Variants in MYO3B observed in about 807,000 individuals in gnomAD.
The protein encoded by MYO3B is myosin-IIIb.
Under a neutral mutation model 174.6 loss-of-function variants are expected in MYO3B, and 156 were observed. The ratio of observed to expected loss-of-function variants is 0.89; its 90% CI spans 0.78 to 1.02. The LOEUF (loss-of-function observed/expected upper bound fraction) is 1.02, where lower values mean the gene tolerates loss of function less well. Ranked by LOEUF, MYO3B falls within the 50% of genes least tolerant of loss-of-function variation. The pLI is 0.00. For synonymous variants in MYO3B, 563 were observed against 569.1 expected (o/e 0.99, Z 0.15); for missense variants, 1,632 against 1,639.4 (o/e 1.00, Z 0.08).
At chr2:170,405,677 G>GT in intron 21 of MYO3B, 44 bp downstream of exon 21, 1 of 1,502,676 alleles carries the variant, frequency 6.7e-7, no homozygotes, top group Non-Finnish European at 9.3e-7. Context: ...TTGGCAAAGG[G>GT]TAAGTGTCTG....
chr2:170,244,609 G>A (rs936090191), intron 7 of MYO3B, among the ~76,000 whole-genome samples: 3 of 152,294 alleles, frequency 2.0e-5, no homozygotes, highest in Admixed American at 1.3e-4. Context: ...TCAAATAAGG[G>A]AAGAGGGCAG....
At chr2:170,424,974 A>G (rs892329261) in intron 22 of MYO3B, among the ~76,000 whole-genome samples, 20 of 152,228 alleles carry the variant, frequency 1.3e-4, no homozygotes, top group African/African-American at 4.6e-4. Context: ...TACTTTTTCC[A>G]TATTTATTTC....
At chr2:170,303,832 A>G (rs1005265265) in intron 7 of MYO3B, among the ~76,000 whole-genome samples, 4 of 152,010 alleles carry the variant, frequency 2.6e-5, no homozygotes, top group South Asian at 2.1e-4. Flanking sequence ...TTAATATGCA[A>G]TTACTCATTT....
intron 7 of MYO3B, among the ~76,000 whole-genome samples, chr2:170,265,425 T>C (rs996347038): frequency 3.9e-5 from 6 of 152,258 alleles, no homozygotes; most frequent in Admixed American, 2.6e-4. Context: ...AATTATAGCA[T>C]GGCTGGGGCC....
rs543959336 is a variant in MYO3B at position 170,524,040 on chromosome 2, C to G, written c.3575+4500C>G. Among the ~76,000 whole-genome samples the G allele has an allele frequency of 5.3e-5, 8 of 152,228 alleles. 1 individual carries two copies. The highest frequency in any genetic ancestry group is 5.2e-4 in the Admixed American group (8 of 15,294). ...GGAAAAGATGAAGGGAAGGCAAAAT[C>G]AGAGGGAAGAGTTCATAAGGACGAT... is the stretch of plus-strand genomic sequence containing the variant. On this transcript the variant is annotated intron_variant, in intron 30 of 34. Transcript: ENST00000408978.
intron 32 of MYO3B, among the ~76,000 whole-genome samples, chr2:170,577,176 T>C (rs915702025): frequency 2.0e-5 from 3 of 152,196 alleles, no homozygotes; most frequent in Non-Finnish European, 4.4e-5. Flanking sequence ...GAACTCAAAG[T>C]TGTGAGGAGA....
intron 7 of MYO3B, among the ~76,000 whole-genome samples, chr2:170,253,787 A>G (rs1201504673): frequency 6.6e-6 from 1 of 151,864 alleles, no homozygotes; most frequent in East Asian, 2.0e-4. Flanking sequence ...GATCAACTGT[A>G]TCAAATGCTC....
Position 170,404,285 on chromosome 2 carries a change from G to A in MYO3B, c.2316G>A (p.Val772=). The part of the protein sequence containing the change: ...YQNEGIDAVP[V]EYEDNRPLLD... ...ATGAAGGCATTGATGCTGTACCCGT[G>A]GAATATGAGGACAACCGCCCGCTCT... The change falls in exon 20 of 35, where the codon GTG becomes GTA. Residue 772 remains valine, a synonymous_variant. Transcript: ENST00000408978. The A allele has an allele frequency of 6.2e-7, 1 of 1,613,044 alleles. No homozygotes were observed. Among genetic ancestry groups the A allele is most frequent in the Non-Finnish European group, 8.5e-7 (1 of 1,179,466 alleles).
At chr2:170,387,038 G>A in intron 13 of MYO3B, 68 bp from the exon 14 acceptor site, 1 of 1,514,482 alleles carries the variant, frequency 6.6e-7, no homozygotes, top group Admixed American at 1.7e-5. Context: ...GGCAAGGGAT[G>A]GTGCCTGGCA....
At chr2:170,613,008 T>C (rs1379646308) in intron 32 of MYO3B, among the ~76,000 whole-genome samples, 3 of 152,094 alleles carry the variant, frequency 2.0e-5, no homozygotes, top group Admixed American at 6.6e-5. Context: ...ACACTCAGCT[T>C]AGGGTGTGGA....
intron 28 of MYO3B, among the ~76,000 whole-genome samples, chr2:170,508,299 T>C (rs1043908536): frequency 1.3e-5 from 2 of 152,236 alleles, no homozygotes; most frequent in African/African-American, 4.8e-5. Context: ...AACATTATTA[T>C]GATCGATTAC....
At chr2:170,531,723 AATG>A (rs1488872421) in intron 30 of MYO3B, among the ~76,000 whole-genome samples, 1 of 152,198 alleles carries the variant, frequency 6.6e-6, no homozygotes, top group African/African-American at 2.4e-5. Flanking sequence ...TATCAAAGTA[AATG>A]ATGACAAAAG....
At chr2:170,338,814 G>A (rs1203266591) in intron 8 of MYO3B, among the ~76,000 whole-genome samples, 2 of 152,058 alleles carry the variant, frequency 1.3e-5, no homozygotes, top group Non-Finnish European at 2.9e-5. Context: ...TGTTGGCCAG[G>A]TTAGTCTCGA....
At chr2:170,651,244 C>T (rs966639802) in intron 32 of MYO3B, among the ~76,000 whole-genome samples, 1 of 152,192 alleles carries the variant, frequency 6.6e-6, no homozygotes, top group African/African-American at 2.4e-5. Flanking sequence ...TTTGAACTCT[C>T]ATTGCAGGAT....
chr2:170,435,600 G>A (rs996160887), intron 22 of MYO3B, among the ~76,000 whole-genome samples: 1 of 152,198 alleles, frequency 6.6e-6, no homozygotes, highest in African/African-American at 2.4e-5. Context: ...GGTCTACTGC[G>A]ATATAACTTA....
chr2:170,346,576 T>C (rs2094017798), intron 8 of MYO3B, among the ~76,000 whole-genome samples: 1 of 152,218 alleles, frequency 6.6e-6, no homozygotes, highest in Non-Finnish European at 1.5e-5. Flanking sequence ...CCTTTTTCTC[T>C]CTTTCATTTT....
chr2:170,653,250 C>T lies in MYO3B; in HGVS notation c.*129C>T. 1 of 1,099,784 alleles carries T rather than the reference C, an allele frequency of 9.1e-7. No homozygotes were observed. 68.1% of individuals were successfully genotyped at this position (1,099,784 alleles called of 1,614,324 possible). The stretch of plus-strand genomic sequence containing the variant: ...ACATATGGTCCATGCCTGAACCTTA[C>T]TGAACCACTTGCAGATTCCAAAACA... On this transcript the variant is annotated 3_prime_UTR_variant, in exon 35 of 35. Coordinates refer to ENST00000408978, the MANE Select transcript of MYO3B (RefSeq NM_138995.5).
intron 32 of MYO3B, among the ~76,000 whole-genome samples, chr2:170,560,365 A>G (rs1281023513): frequency 6.6e-6 from 1 of 152,142 alleles, no homozygotes; most frequent in African/African-American, 2.4e-5. Context: ...GAATATTTAT[A>G]GCTCCCACAG....
At chr2:170,433,985 TA>T (rs2094731112) in intron 22 of MYO3B, among the ~76,000 whole-genome samples, 1 of 152,192 alleles carries the variant, frequency 6.6e-6, no homozygotes. Flanking sequence ...AAGCTGTAGA[TA>T]AATGCTAAGG....
Sources: allele counts gnomAD v4.1 joint callset (sites outside exome capture counted in the v4.1 genomes callset), GRCh38; gene constraint gnomAD v4.1.1; transcripts MANE v1.5; gene names NCBI Gene and HGNC (gene_info 2026-07-23, HGNC 2026-07-21).